Variants in SRPK2 observed in about 807,000 individuals in gnomAD.
The protein encoded by SRPK2 is SRSF protein kinase 2, also known as SFRS protein kinase 2.
Under a neutral mutation model 90.8 loss-of-function variants are expected in SRPK2, and 21 were observed. The observed-to-expected ratio is 0.23, with a 90% CI of 0.16 to 0.33. The LOEUF (loss-of-function observed/expected upper bound fraction) is 0.33, where lower values mean the gene tolerates loss of function less well. Ranked by LOEUF, SRPK2 falls within the 10% of genes least tolerant of loss-of-function variation. The pLI is 1.00. For synonymous variants in SRPK2, 288 were observed against 311.1 expected (o/e 0.93, Z 0.78); for missense variants, 620 against 869.0 (o/e 0.71, Z 3.60).
At chr7:105,319,299 G>A (rs1324653942) in intron 2 of SRPK2, among the ~76,000 whole-genome samples, 1 of 151,954 alleles carries the variant, frequency 6.6e-6, no homozygotes, top group African/African-American at 2.4e-5. Context: ...TACTACCATA[G>A]GTTCGTTTCT....
chr7:105,180,683 G>A (rs990369670), intron 3 of SRPK2, among the ~76,000 whole-genome samples: 10 of 152,146 alleles, frequency 6.6e-5, no homozygotes, highest in Non-Finnish European at 1.3e-4. Flanking sequence ...ACTTTAACCC[G>A]GGAGATGAAG....
chr7:105,175,683 G>C (rs1423703443), intron 3 of SRPK2, among the ~76,000 whole-genome samples: 1 of 152,008 alleles, frequency 6.6e-6, no homozygotes, highest in Non-Finnish European at 1.5e-5. Context: ...AATGAGTGAG[G>C]TAATGTCACT....
chr7:105,223,067 G>C lies in SRPK2; in HGVS notation c.72-19282C>G, dbSNP rs2129617072. Among the ~76,000 whole-genome samples, 4 of 152,304 alleles carry C rather than the reference G, an allele frequency of 2.6e-5. 1 individual carries two copies. The Middle Eastern group carries it at 0.01, about 389-fold the overall frequency. ...ATAAGAGGTAGGCTGAAGTGGCCCAGCTGACCACTGAGCGCATACAGTCCA... is the reference window on the plus strand; with the variant it reads ...ATAAGAGGTAGGCTGAAGTGGCCCACCTGACCACTGAGCGCATACAGTCCA... On this transcript the variant is annotated intron_variant, in intron 2 of 15. Transcript: ENST00000393651.
intron 2 of SRPK2, among the ~76,000 whole-genome samples, chr7:105,330,358 A>C (rs1035715319): frequency 1.3e-5 from 2 of 151,314 alleles, no homozygotes; most frequent in Non-Finnish European, 2.9e-5. Flanking sequence ...AATAAATAAA[A>C]ATAAAATAAA....
intron 2 of SRPK2, among the ~76,000 whole-genome samples, chr7:105,253,917 A>C (rs1802847497): frequency 1.3e-5 from 2 of 152,252 alleles, no homozygotes; most frequent in Admixed American, 1.3e-4. Flanking sequence ...ACAAACAAAA[A>C]AAAACAAGCC....
At chr7:105,248,674 C>T (rs1169332735) in intron 2 of SRPK2, among the ~76,000 whole-genome samples, 1 of 152,062 alleles carries the variant, frequency 6.6e-6, no homozygotes, top group Non-Finnish European at 1.5e-5. Flanking sequence ...GGCGCGATGG[C>T]TCACGCCTGT....
intron 2 of SRPK2, among the ~76,000 whole-genome samples, chr7:105,307,728 C>T (rs985746912): frequency 2.0e-5 from 3 of 151,988 alleles, no homozygotes; most frequent in South Asian, 2.1e-4. Flanking sequence ...GGTTTTTTCC[C>T]CCTTATTTCC....
intron 9 of SRPK2, 86 bp from the exon 10 acceptor site, chr7:105,143,416 T>C: frequency 6.7e-7 from 1 of 1,482,496 alleles, no homozygotes; most frequent in Non-Finnish European, 9.1e-7. Flanking sequence ...CAAATAGCAA[T>C]AAACTCTGCT....
At chr7:105,336,242 T>G (rs1284345827) in intron 2 of SRPK2, among the ~76,000 whole-genome samples, 4 of 152,190 alleles carry the variant, frequency 2.6e-5, no homozygotes, top group Non-Finnish European at 2.9e-5. Context: ...TTCTTTTCTT[T>G]ACAACGTTTT....
intron 15 of SRPK2, chr7:105,125,947 C>G: frequency 2.6e-6 from 2 of 773,560 alleles, no homozygotes; most frequent in Non-Finnish European, 3.9e-6. Context: ...GCAGACACTA[C>G]CACCGCCCGC....
intron 2 of SRPK2, among the ~76,000 whole-genome samples, chr7:105,261,828 G>A (rs1345016222): frequency 6.6e-6 from 1 of 152,214 alleles, no homozygotes; most frequent in Non-Finnish European, 1.5e-5. Context: ...AACAGCAGCT[G>A]TGACAAATGC....
intron 2 of SRPK2, among the ~76,000 whole-genome samples, chr7:105,383,709 C>T (rs1009686274): frequency 3.3e-5 from 5 of 152,036 alleles, no homozygotes; most frequent in Non-Finnish European, 1.5e-5. Context: ...TGAGCCACCA[C>T]GCCTGGCCAG....
At chr7:105,243,636 A>G (rs1012572667) in intron 2 of SRPK2, among the ~76,000 whole-genome samples, 3 of 150,002 alleles carry the variant, frequency 2.0e-5, no homozygotes, top group Non-Finnish European at 4.4e-5. Flanking sequence ...ATCTCAAAAA[A>G]AAAAAAAAAA....
chr7:105,361,488 C>G (rs149536166), intron 2 of SRPK2, among the ~76,000 whole-genome samples: 2 of 152,010 alleles, frequency 1.3e-5, no homozygotes, highest in Non-Finnish European at 2.9e-5. Context: ...AAAGTTCATA[C>G]GGAACCAAAA....
chr7:105,228,427 G>A (rs1196352812), intron 2 of SRPK2, among the ~76,000 whole-genome samples: 1 of 152,158 alleles, frequency 6.6e-6, no homozygotes, highest in East Asian at 1.9e-4. Flanking sequence ...CCAATTTCTG[G>A]ATACTAACAC....
chr7:105,202,560 G>A (rs1191235473), intron 3 of SRPK2, among the ~76,000 whole-genome samples: 1 of 152,172 alleles, frequency 6.6e-6, no homozygotes, highest in Non-Finnish European at 1.5e-5. Context: ...ACAAAGCATG[G>A]TGTCTAGATC....
At chr7:105,212,207 G>C (rs41563) in intron 2 of SRPK2, among the ~76,000 whole-genome samples, 2 of 152,002 alleles carry the variant, frequency 1.3e-5, no homozygotes, top group African/African-American at 2.4e-5. Flanking sequence ...AATGGAGAAA[G>C]ACTGACAGAA....
chr7:105,225,620 C>G (rs557629523), intron 2 of SRPK2, among the ~76,000 whole-genome samples: 1 of 152,264 alleles, frequency 6.6e-6, no homozygotes, highest in East Asian at 1.9e-4. Flanking sequence ...TCATTTTTCA[C>G]ATTGCAATTA....
At chr7:105,350,225 T>G (rs1454164133) in intron 2 of SRPK2, among the ~76,000 whole-genome samples, 2 of 131,736 alleles carry the variant, frequency 1.5e-5, no homozygotes, top group South Asian at 5.1e-4. Context: ...CCGCCTCCCC[T>G]GTTTTAGGTA....
Sources: allele counts gnomAD v4.1 joint callset (sites outside exome capture counted in the v4.1 genomes callset), GRCh38; gene constraint gnomAD v4.1.1; transcripts MANE v1.5; gene names NCBI Gene and HGNC (gene_info 2026-07-23, HGNC 2026-07-21).